Variants in SYT2 observed in about 807,000 individuals in gnomAD.
SYT2 encodes the protein synaptotagmin-2.
In SYT2, 15 loss-of-function variants were observed where a neutral mutation model predicts 39.9. The ratio of observed to expected loss-of-function variants is 0.38; its 90% CI spans 0.25 to 0.58. The LOEUF is 0.58. Among genes scored for constraint, SYT2 ranks in the 20% least tolerant of loss-of-function variants. SYT2 has a pLI of 0.70. For missense variants in SYT2, 389 were observed against 530.3 expected (o/e 0.73, Z 2.62); for synonymous variants, 181 against 204.5 (o/e 0.89, Z 0.98).
intron 1 of SYT2, among the ~76,000 whole-genome samples, chr1:202,636,148 G>A (rs1558441582): frequency 6.6e-6 from 1 of 152,080 alleles, no homozygotes. Context: ...TACAACTACA[G>A]ACTGCATTCA....
chr1:202,604,933 T>C (rs559157451), intron 2 of SYT2: 1 of 300,550 alleles, frequency 3.3e-6, no homozygotes, highest in African/African-American at 2.2e-5. Flanking sequence ...CTATTGAGTT[T>C]TACTAGTGTG....
intron 8 of SYT2, among the ~76,000 whole-genome samples, chr1:202,597,759 T>C (rs548103014): frequency 2.0e-5 from 3 of 152,136 alleles, no homozygotes; most frequent in South Asian, 2.1e-4. Context: ...AAGAGACCCA[T>C]TGGAGGATGC....
chr1:202,601,824 C>G lies in SYT2; in HGVS notation c.801+66G>C. 6.5e-7 allele frequency: 1 copy of G among 1,536,208 alleles called. No homozygotes were observed. ...CAAAGCCCACCCTGTTTCCATCATG[C>G]CAAGAGGTGGAAGCCCACCTGTACA... On this transcript the variant is annotated intron_variant, in intron 6 of 8. Coordinates refer to ENST00000367268, the MANE Select transcript of SYT2 (RefSeq NM_177402.5). This position sits in a 1 kb window ranked among gnomAD's most constrained non-coding sequence, Gnocchi z 4.0.
At position 202,595,655 on chromosome 1, in the gene SYT2, G is replaced by C. The variant is rs1690260166; in HGVS notation, c.*1102C>G. On this transcript the variant is annotated 3_prime_UTR_variant, in exon 9 of 9. Transcript: ENST00000367268. ...GCTCTGCACAGATAACGTGTCTTCA[G>C]ACAGTGTTGCTCCACTTAAAAGAGA... 1 of 152,234 alleles carries C rather than the reference G, an allele frequency of 6.6e-6. No homozygotes were observed. The highest frequency in any genetic ancestry group is 1.5e-5 in the Non-Finnish European group (1 of 68,042). The allele number at this position is 152,234 out of a possible 1,614,324, so 9.4% of individuals were successfully genotyped here.
chr1:202,633,601 T>C (rs10920428), intron 1 of SYT2, among the ~76,000 whole-genome samples: 71,718 of 151,858 alleles, frequency 0.47, 18,499 homozygotes, highest in African/African-American at 0.69. Flanking sequence ...CTTAGCTCCC[T>C]AGGGGGCTCC....
At chr1:202,619,418 AAGGTCTGAAG>A (rs1169628683) in intron 1 of SYT2, among the ~76,000 whole-genome samples, 1 of 152,204 alleles carries the variant, frequency 6.6e-6, no homozygotes, top group Non-Finnish European at 1.5e-5. Context: ...GCCACAGGTC[AAGGTCTGAAG>A]AGGTAGGGGT....
chr1:202,689,842 G>A (rs895454528), intron 1 of SYT2, among the ~76,000 whole-genome samples: 7 of 151,858 alleles, frequency 4.6e-5, no homozygotes, highest in South Asian at 4.2e-4. Context: ...GTCAGGTCCC[G>A]GAATTAAGGG....
chr1:202,600,551 A>C (rs563203327), intron 6 of SYT2, 77 bp from the exon 7 acceptor site: 57 of 1,356,750 alleles, frequency 4.2e-5, no homozygotes, highest in Non-Finnish European at 5.8e-5. Context: ...CTTTCTTGCC[A>C]AAATTAGCAA....
intron 1 of SYT2, chr1:202,636,507 T>C: frequency 1.6e-6 from 1 of 608,966 alleles, no homozygotes; most frequent in Non-Finnish European, 2.1e-6. Flanking sequence ...TCTCCACATT[T>C]TTTAATGGGG....
intron 1 of SYT2, among the ~76,000 whole-genome samples, chr1:202,650,538 C>G (rs1421407025): frequency 6.6e-6 from 1 of 151,488 alleles, no homozygotes; most frequent in African/African-American, 2.4e-5. Flanking sequence ...CGGGTTCAAG[C>G]TATTCTCCTG....
intron 8 of SYT2, among the ~76,000 whole-genome samples, chr1:202,598,678 C>A (rs184413130): frequency 2.6e-4 from 39 of 152,304 alleles, no homozygotes; most frequent in Admixed American, 2.5e-3. Flanking sequence ...AGATCCCACT[C>A]ATACCTGGAA....
At position 202,599,104 on chromosome 1, in the gene SYT2, C is replaced by T; in HGVS notation, c.1053+114G>A. On this transcript the variant is annotated intron_variant, in intron 8 of 8. Coordinates refer to ENST00000367268, the MANE Select transcript of SYT2 (RefSeq NM_177402.5). The surrounding 1 kb of genome is among the most constrained non-coding windows in gnomAD (Gnocchi z 4.4). ...GCACCATTAGACCTCGAGCCTTCCCCTACCAAGAAAGGCTGTTCCATGGTC... is the reference window on the plus strand; with the variant it reads ...GCACCATTAGACCTCGAGCCTTCCCTTACCAAGAAAGGCTGTTCCATGGTC... The T allele has an allele frequency of 6.9e-7, 1 of 1,440,514 alleles. No homozygotes were observed. The highest frequency in any genetic ancestry group is 9.4e-7 in the Non-Finnish European group (1 of 1,065,364). 89.2% of individuals were successfully genotyped at this position (1,440,514 alleles called of 1,614,324 possible). A position where few individuals can be genotyped will look rare whatever the true frequency, so the allele number is the denominator to read the frequency against.
intron 1 of SYT2, among the ~76,000 whole-genome samples, chr1:202,661,684 CAG>C (rs1490345367): frequency 6.6e-6 from 1 of 152,182 alleles, no homozygotes; most frequent in African/African-American, 2.4e-5. Context: ...GGCAGGTGTT[CAG>C]AGAGAACACT....
At chr1:202,705,521 C>T (rs1358504142) in intron 1 of SYT2, among the ~76,000 whole-genome samples, 5 of 152,180 alleles carry the variant, frequency 3.3e-5, no homozygotes, top group African/African-American at 1.2e-4. Flanking sequence ...AGCAGGTAAC[C>T]CCCCTTTCTT....
chr1:202,643,218 G>A (rs1691974453), intron 1 of SYT2: 1 of 151,672 alleles, frequency 6.6e-6, no homozygotes, highest in Non-Finnish European at 1.5e-5. Context: ...GTCGAGGCAC[G>A]GCTTCGCTCG....
At position 202,596,725 on chromosome 1, in the gene SYT2, C is replaced by A; in HGVS notation, c.*32G>T. On this transcript the variant is annotated 3_prime_UTR_variant, in exon 9 of 9. Transcript: ENST00000367268. Reference sequence around the variant, plus strand: ...GATAGCTCTGGATCTTGTCAGTGTCCGTGAAAGGTGTGGGGTCCCAGCCGC... The same window carrying A: ...GATAGCTCTGGATCTTGTCAGTGTCAGTGAAAGGTGTGGGGTCCCAGCCGC... The A allele has an allele frequency of 6.3e-7, 1 of 1,594,320 alleles. No homozygotes were observed. The highest frequency in any genetic ancestry group is 2.2e-5 in the East Asian group (1 of 44,592).
chr1:202,696,415 GCCC>G (rs1653974935), intron 1 of SYT2, among the ~76,000 whole-genome samples: 1 of 152,116 alleles, frequency 6.6e-6, no homozygotes, highest in Admixed American at 6.5e-5. Context: ...ACCCTGCTAA[GCCC>G]CCATTATAAA....
intron 1 of SYT2, among the ~76,000 whole-genome samples, chr1:202,670,835 T>G (rs909175318): frequency 1.3e-5 from 2 of 152,246 alleles, no homozygotes; most frequent in Non-Finnish European, 2.9e-5. Context: ...CTGATCAATG[T>G]GGGCTCTGAC....
chr1:202,652,082 T>C (rs1232467061), intron 1 of SYT2, among the ~76,000 whole-genome samples: 4 of 152,210 alleles, frequency 2.6e-5, no homozygotes, highest in Admixed American at 2.6e-4. Context: ...AAGTCTGAAA[T>C]GGTGCCTATC....
Sources: gnomAD v4.1 joint callset for allele counts (sites outside exome capture counted in the v4.1 genomes callset) on GRCh38, gnomAD v4.1.1 for gene constraint, Gnocchi (gnomAD v3.1) non-coding constraint, MANE v1.5 for transcripts, NCBI Gene and HGNC (gene_info 2026-07-23, HGNC 2026-07-21) for gene names.